Variants in SV2C observed in about 807,000 individuals in gnomAD.
The protein encoded by SV2C is solute carrier family 22 member B3.
A neutral mutation model predicts 79.7 loss-of-function variants in SV2C; 49 were observed. The observed-to-expected ratio is 0.61, with a 90% confidence interval of 0.49 to 0.78. The LOEUF (loss-of-function observed/expected upper bound fraction) is 0.78, where lower values mean the gene tolerates loss of function less well. Among genes scored for constraint, SV2C ranks in the 30% least tolerant of loss-of-function variants. The probability of loss-of-function intolerance (pLI) is 0.00; values close to 1 mark genes in which losing one functional copy is unlikely to be tolerated. For missense variants in SV2C, 833 were observed against 912.9 expected, an observed-to-expected ratio of 0.91 and a Z score of 1.13; for synonymous variants, 334 against 333.2, an observed-to-expected ratio of 1.00 and a Z score of -0.03.
the SV2C span, chr5:75,921,210 C>A: frequency 1.8e-6 from 2 of 1,100,894 alleles, no homozygotes; most frequent in Non-Finnish European, 2.7e-6. Flanking sequence ...GGGCCAGCAG[C>A]CGAGATGTGG....
intron 1 of SV2C, among the ~76,000 whole-genome samples, chr5:76,121,724 C>A (rs1273641641): frequency 1.3e-5 from 2 of 151,968 alleles, no homozygotes; most frequent in African/African-American, 2.4e-5. Flanking sequence ...TTCCATTGAT[C>A]TATATCTCTG....
intron 2 of SV2C, among the ~76,000 whole-genome samples, chr5:76,176,634 T>C (rs902383295): frequency 6.6e-6 from 1 of 152,090 alleles, no homozygotes; most frequent in Non-Finnish European, 1.5e-5. Flanking sequence ...CAAAAACATC[T>C]TTCCTGGGAT....
chr5:76,230,437 A>G (rs995821596), intron 4 of SV2C, among the ~76,000 whole-genome samples: 2 of 152,232 alleles, frequency 1.3e-5, no homozygotes, highest in Non-Finnish European at 2.9e-5. Context: ...TAAAATGTCA[A>G]GAGTTTCATT....
intron 1 of SV2C, among the ~76,000 whole-genome samples, chr5:76,115,774 C>T (rs1052839305): frequency 6.6e-6 from 1 of 152,208 alleles, no homozygotes; most frequent in Non-Finnish European, 1.5e-5. Flanking sequence ...CCTCCCCCTA[C>T]TCTAAACCCA....
intron 8 of SV2C, among the ~76,000 whole-genome samples, chr5:76,293,684 G>A (rs1018804256): frequency 6.6e-6 from 1 of 152,162 alleles, no homozygotes; most frequent in African/African-American, 2.4e-5. Context: ...ATGAAGAAAA[G>A]GGGTGGGAAT....
At chr5:76,070,387 T>C in the SV2C span, among the ~76,000 whole-genome samples, 11 of 152,322 alleles carry the variant, frequency 7.2e-5, no homozygotes, top group African/African-American at 2.6e-4. Flanking sequence ...AGGTTTCTAC[T>C]GTCCCCAAGG....
the SV2C span, among the ~76,000 whole-genome samples, chr5:76,036,604 C>T: frequency 4.6e-5 from 7 of 152,152 alleles, no homozygotes; most frequent in East Asian, 3.9e-4. Flanking sequence ...GAATTTCTGC[C>T]GAGAGATCTG....
At chr5:75,857,375 C>T in the SV2C span, among the ~76,000 whole-genome samples, 5 of 152,058 alleles carry the variant, frequency 3.3e-5, no homozygotes, top group Non-Finnish European at 2.9e-5. Context: ...ATTCCTCTCC[C>T]CATTGTTTGT....
chr5:76,344,287 A>T (rs1749496211), intron 12 of SV2C, among the ~76,000 whole-genome samples: 1 of 152,256 alleles, frequency 6.6e-6, no homozygotes, highest in African/African-American at 2.4e-5. Context: ...GTTACAAAAG[A>T]AATACATCCC....
At chr5:76,222,205 G>C (rs907241829) in intron 4 of SV2C, among the ~76,000 whole-genome samples, 1 of 152,140 alleles carries the variant, frequency 6.6e-6, no homozygotes, top group South Asian at 2.1e-4. Context: ...ACACAAAAGC[G>C]TATGCATGGT....
At chr5:76,040,754 C>A in the SV2C span, among the ~76,000 whole-genome samples, 3 of 152,182 alleles carry the variant, frequency 2.0e-5, no homozygotes, top group Non-Finnish European at 4.4e-5. Flanking sequence ...GAGAACTGAG[C>A]CCTCATTTAC....
intron 12 of SV2C, among the ~76,000 whole-genome samples, chr5:76,319,274 C>T (rs1023787714): frequency 2.0e-5 from 3 of 151,854 alleles, no homozygotes; most frequent in Non-Finnish European, 2.9e-5. Flanking sequence ...AAAAAATTGC[C>T]CGTGTGCGGC....
At chr5:76,069,138 T>C in the SV2C span, among the ~76,000 whole-genome samples, 1 of 152,314 alleles carries the variant, frequency 6.6e-6, no homozygotes, top group Middle Eastern at 3.4e-3. Context: ...GATCTTTTCA[T>C]AAGAAATGAG....
the SV2C span, among the ~76,000 whole-genome samples, chr5:76,017,885 A>G: frequency 6.6e-6 from 1 of 152,078 alleles, no homozygotes; most frequent in Admixed American, 6.5e-5. Flanking sequence ...TGCTTCCACT[A>G]TTTTTGCTAC....
the SV2C span, among the ~76,000 whole-genome samples, chr5:75,927,434 T>C: frequency 2.0e-5 from 3 of 151,642 alleles, no homozygotes; most frequent in African/African-American, 7.3e-5. Flanking sequence ...TTATATGAAG[T>C]ATCTAAAATG....
At chr5:76,058,354 C>A in the SV2C span, among the ~76,000 whole-genome samples, 3,389 of 152,170 alleles carry the variant, frequency 0.022, 103 homozygotes, top group African/African-American at 0.073. Flanking sequence ...CCCATCAACC[C>A]TGGAAAAAAC....
the SV2C span, among the ~76,000 whole-genome samples, chr5:76,048,979 G>GA: frequency 1.4e-5 from 1 of 72,376 alleles, no homozygotes; most frequent in African/African-American, 4.9e-5. Context: ...AAGAAAGAAA[G>GA]AAAGAAAGAA....
At chr5:76,269,734 A>G (rs532040953) in intron 4 of SV2C, among the ~76,000 whole-genome samples, 24 of 152,332 alleles carry the variant, frequency 1.6e-4, no homozygotes, top group African/African-American at 4.1e-4. Context: ...CAGAGGGAGC[A>G]TCAATCTGCC....
chr5:76,081,666 A>G (rs1455892567), upstream of SV2C, among the ~76,000 whole-genome samples: 1 of 152,214 alleles, frequency 6.6e-6, no homozygotes, highest in Non-Finnish European at 1.5e-5. Flanking sequence ...TCTCACCGGA[A>G]CAAGACAGAC....
Sources: gnomAD v4.1 joint callset for allele counts (sites outside exome capture counted in the v4.1 genomes callset) on GRCh38, gnomAD v4.1.1 for gene constraint, MANE v1.5 for transcripts, NCBI Gene and HGNC (gene_info 2026-07-23, HGNC 2026-07-21) for gene names.